Variants in PTGIR observed in about 807,000 individuals in gnomAD.
PTGIR encodes prostacyclin receptor.
A neutral mutation model predicts 17.6 loss-of-function variants in PTGIR; 16 were observed. The observed-to-expected ratio is 0.91, with a 90% CI of 0.61 to 1.38. The LOEUF (loss-of-function observed/expected upper bound fraction) is 1.38. PTGIR is among the 40% of genes most tolerant of loss of function. The pLI is 0.00. For missense variants in PTGIR, 532 were observed against 548.6 expected (o/e 0.97, Z 0.30); for synonymous variants, 274 against 255.4 (o/e 1.07, Z -0.69).
chr19:46,615,191 CAAAACA>C, the PTGIR span, among the ~76,000 whole-genome samples: 1 of 151,694 alleles, frequency 6.6e-6, no homozygotes, highest in African/African-American at 2.4e-5. Flanking sequence ...TCTCAAAAAA[CAAAACA>C]AAAAAAACAC....
intron 1 of PTGIR, 27 bp from the exon 2 acceptor site, chr19:46,624,264 A>C (rs960913581): frequency 1.4e-6 from 2 of 1,415,838 alleles, no homozygotes; most frequent in African/African-American, 3.0e-5. Context: ...GTGGGGGGTC[A>C]GAGGGAGCCA....
chr19:46,616,408 A>T (rs1971964353), downstream of PTGIR, among the ~76,000 whole-genome samples: 1 of 131,942 alleles, frequency 7.6e-6, no homozygotes, highest in Non-Finnish European at 1.5e-5. Context: ...ATCTCGGCTC[A>T]CTGCAACCTC....
chr19:46,615,871 G>A (rs894668059), downstream of PTGIR, among the ~76,000 whole-genome samples: 3 of 150,514 alleles, frequency 2.0e-5, no homozygotes, highest in Non-Finnish European at 4.4e-5. Flanking sequence ...GTGTGATCTC[G>A]GCTCACTGCA....
chr19:46,617,573 G>A (rs971884200), downstream of PTGIR, among the ~76,000 whole-genome samples: 9 of 152,158 alleles, frequency 5.9e-5, no homozygotes, highest in African/African-American at 1.2e-4. Flanking sequence ...AGCACCCACC[G>A]CAGGCAAGGA....
chr19:46,619,109 T>TAG (rs1972002431), downstream of PTGIR, among the ~76,000 whole-genome samples: 1 of 152,128 alleles, frequency 6.6e-6, no homozygotes, highest in Non-Finnish European at 1.5e-5. Context: ...CCGGAGTGGA[T>TAG]AGACGGGCCT....
Sources: gnomAD v4.1 joint callset for allele counts (sites outside exome capture counted in the v4.1 genomes callset) on GRCh38, gnomAD v4.1.1 for gene constraint, MANE v1.5 for transcripts, NCBI Gene and HGNC (gene_info 2026-07-23, HGNC 2026-07-21) for gene names.